Variants in PRKCH observed in about 807,000 individuals in gnomAD.
PRKCH encodes the protein protein kinase C eta.
PRKCH carries 28 observed loss-of-function variants against 82.5 expected under a neutral mutation model. That is an observed-to-expected ratio of 0.34 (90% confidence interval 0.25 to 0.47). The LOEUF is 0.47. Ranked by LOEUF, PRKCH falls within the 20% of genes least tolerant of loss-of-function variation. The pLI is 1.00. For synonymous variants in PRKCH, 322 were observed against 327.4 expected, an observed-to-expected ratio of 0.98 and a Z score of 0.18; for missense variants, 705 against 881.8, an observed-to-expected ratio of 0.80 and a Z score of 2.54.
At chr14:61,289,811 G>A (rs1173390710) in intron 1 of PRKCH, among the ~76,000 whole-genome samples, 1 of 152,198 alleles carries the variant, frequency 6.6e-6, no homozygotes, top group Non-Finnish European at 1.5e-5. Context: ...TTGTAAAATA[G>A]AATGGAGCTG....
At chr14:61,420,267 G>A (rs1400216607) in intron 2 of PRKCH, among the ~76,000 whole-genome samples, 3 of 152,128 alleles carry the variant, frequency 2.0e-5, no homozygotes, top group Non-Finnish European at 2.9e-5. Context: ...TCTGGGCCTG[G>A]CCACTCTGAG....
At chr14:61,470,616 G>A (rs115511689) in intron 9 of PRKCH, among the ~76,000 whole-genome samples, 3,358 of 152,118 alleles carry the variant, frequency 0.022, 123 homozygotes, top group African/African-American at 0.077. Flanking sequence ...CCTTTCTGTG[G>A]GAGGCTTCCA....
At chr14:61,397,155 A>G (rs1055882563) in intron 2 of PRKCH, among the ~76,000 whole-genome samples, 4 of 152,076 alleles carry the variant, frequency 2.6e-5, no homozygotes, top group African/African-American at 9.7e-5. Flanking sequence ...GTAGGGGTGG[A>G]GAGGAGGGGG....
intron 1 of PRKCH, among the ~76,000 whole-genome samples, chr14:61,239,281 C>G (rs1469305419): frequency 1.3e-5 from 2 of 152,198 alleles, no homozygotes; most frequent in African/African-American, 4.8e-5. Flanking sequence ...GCTGATGATA[C>G]TGCAAGGCTC....
At chr14:61,291,972 GA>G (rs2045366579) in intron 1 of PRKCH, among the ~76,000 whole-genome samples, 1 of 152,162 alleles carries the variant, frequency 6.6e-6, no homozygotes, top group African/African-American at 2.4e-5. Context: ...AATTGATAAA[GA>G]CTTTAATAAT....
At chr14:61,532,029 C>T (rs1091331) in intron 12 of PRKCH, among the ~76,000 whole-genome samples, 94,251 of 152,084 alleles carry the variant, frequency 0.62, 34,158 homozygotes, top group Middle Eastern at 0.81. Context: ...CAGACGGAGG[C>T]GTACTTTGCA....
intron 1 of PRKCH, among the ~76,000 whole-genome samples, chr14:61,316,174 G>T (rs921794085): frequency 1.3e-5 from 2 of 152,066 alleles, no homozygotes; most frequent in African/African-American, 2.4e-5. Context: ...TTTAGGCATA[G>T]AACTCATTTT....
chr14:61,428,377 AG>A (rs1883232894), intron 2 of PRKCH, among the ~76,000 whole-genome samples: 1 of 152,136 alleles, frequency 6.6e-6, no homozygotes, highest in Non-Finnish European at 1.5e-5. Context: ...AAACTCCAAA[AG>A]GGAGAGGATA....
chr14:61,299,470 A>G (rs1348187496), intron 1 of PRKCH, among the ~76,000 whole-genome samples: 1 of 72,698 alleles, frequency 1.4e-5, no homozygotes, highest in Non-Finnish European at 4.4e-5. Flanking sequence ...GCGGATCACA[A>G]CTTTCAGGTT....
chr14:61,429,684 A>G (rs186609933), intron 2 of PRKCH, among the ~76,000 whole-genome samples: 1 of 152,330 alleles, frequency 6.6e-6, no homozygotes, highest in Admixed American at 6.5e-5. Flanking sequence ...CATTCTAAAG[A>G]CGCCAGGAAA....
chr14:61,435,009 G>A (rs1326648695), intron 2 of PRKCH, among the ~76,000 whole-genome samples: 1 of 152,154 alleles, frequency 6.6e-6, no homozygotes, highest in Non-Finnish European at 1.5e-5. Flanking sequence ...AGCTGGAAAT[G>A]CTGAAAAATT....
At chr14:61,451,214 C>T (rs527965457) in intron 6 of PRKCH, among the ~76,000 whole-genome samples, 1 of 152,188 alleles carries the variant, frequency 6.6e-6, no homozygotes, top group South Asian at 2.1e-4. Flanking sequence ...ATCTAGCTCG[C>T]TAGCTGACAA....
intron 1 of PRKCH, among the ~76,000 whole-genome samples, chr14:61,291,504 A>AT (rs2045362145): frequency 6.6e-6 from 1 of 151,788 alleles, no homozygotes; most frequent in South Asian, 2.1e-4. Context: ...TAATTTTTGT[A>AT]TTTTTAGTAG....
Position 61,219,372 on chromosome 14 carries a change from T to C in PRKCH, c.-19+31704T>C, listed in dbSNP as rs115380027. Among the ~76,000 whole-genome samples, 494 of 152,330 alleles carry C rather than the reference T, an allele frequency of 3.2e-3. 8 individuals carry two copies. Among genetic ancestry groups the C allele is most frequent in the African/African-American group, 0.012 (481 of 41,572 alleles). The stretch of plus-strand genomic sequence containing the variant: ...TGATGCTTCAGAAGTGAAAGAGCCA[T>C]TCTGTTCTTTGTGTTACCTCCTTCC... On this transcript the variant is annotated intron_variant, in intron 1 of 3. Transcript: ENST00000555185.
chr14:61,238,934 C>T (rs1283012312), intron 1 of PRKCH, among the ~76,000 whole-genome samples: 1 of 152,206 alleles, frequency 6.6e-6, no homozygotes, highest in East Asian at 1.9e-4. Flanking sequence ...TACCATAATT[C>T]ATCAGGTGAA....
chr14:61,321,175 G>A (rs2045614146), upstream of PRKCH, among the ~76,000 whole-genome samples: 1 of 152,178 alleles, frequency 6.6e-6, no homozygotes, highest in Non-Finnish European at 1.5e-5. The surrounding 1 kb of genome is among the most constrained non-coding windows in gnomAD (Gnocchi z 4.1). Context: ...CCGTGCCCCC[G>A]CCTCCGGCCA....
chr14:61,464,373 TTG>T (rs1885161492), intron 9 of PRKCH, among the ~76,000 whole-genome samples: 1 of 151,534 alleles, frequency 6.6e-6, no homozygotes, highest in African/African-American at 2.4e-5. Context: ...TGGTTTTGTT[TTG>T]TTTTTTTTTT....
At chr14:61,310,458 A>C (rs2045514114) in intron 1 of PRKCH, among the ~76,000 whole-genome samples, 2 of 152,238 alleles carry the variant, frequency 1.3e-5, no homozygotes, top group South Asian at 4.1e-4. Flanking sequence ...TTAAAGCTCC[A>C]AAATGGTCTC....
intron 10 of PRKCH, among the ~76,000 whole-genome samples, chr14:61,518,517 A>G (rs1193346822): frequency 3.3e-5 from 5 of 152,086 alleles, no homozygotes; most frequent in African/African-American, 9.7e-5. Flanking sequence ...TGATGGTCCT[A>G]AGGAGATGTA....
Sources: allele counts gnomAD v4.1 joint callset (sites outside exome capture counted in the v4.1 genomes callset), GRCh38; gene constraint gnomAD v4.1.1; non-coding constraint Gnocchi (gnomAD v3.1); transcripts MANE v1.5; gene names NCBI Gene and HGNC (gene_info 2026-07-23, HGNC 2026-07-21).